Variants in CUX1 observed in about 807,000 individuals in gnomAD.
CUX1 encodes cut like homeobox 1.
In CUX1, 31 loss-of-function variants were observed where a neutral mutation model predicts 158.8. The ratio of observed to expected loss-of-function variants is 0.20; its 90% CI spans 0.15 to 0.26. The LOEUF is 0.26. CUX1 is among the 10% of genes least tolerant of loss of function. CUX1 has a pLI of 1.00. For missense variants in CUX1, 1,589 were observed against 2,014.6 expected (o/e 0.79, Z 4.04); for synonymous variants, 879 against 862.1 (o/e 1.02, Z -0.34).
intron 3 of CUX1, among the ~76,000 whole-genome samples, chr7:102,043,938 T>C (rs1447420815): frequency 6.6e-6 from 1 of 152,098 alleles, no homozygotes; most frequent in Non-Finnish European, 1.5e-5. Flanking sequence ...ATTTTCCAGA[T>C]GATTAAAGAT....
Position 101,817,648 on chromosome 7 carries a change from C to T in CUX1, c.9C>T (p.Cys3=), listed in dbSNP as rs542931508. The part of the protein sequence containing the change: ML[C]VAGARLKREL... ...GGGACTCTGCCAGGTGGATGTTGTG[C>T]GTAGCCGGAGCCAGGTTGAAGGTGA... The change falls in exon 1 of 24, where the codon TGC becomes TGT. Residue 3 remains cysteine (C), a synonymous_variant. Transcript: ENST00000292535. This position sits in a 1 kb window ranked among gnomAD's most constrained non-coding sequence, Gnocchi z 4.1. 1.9e-6 allele frequency: 3 copies of T among 1,551,988 alleles called. No individual in the cohort carries two copies. The African/African-American group carries it at 4.1e-5, about 21-fold the overall frequency.
In CUX1 at chr7:101,907,613, T is replaced by A. The variant is rs116138769; in HGVS notation, c.31-8502T>A. 2.2e-3 allele frequency among the ~76,000 whole-genome samples: 338 copies of A among 152,260 alleles called. 2 individuals are homozygous for A. The highest frequency in any genetic ancestry group is 7.8e-3 in the African/African-American group (325 of 41,564). On this transcript the variant is annotated intron_variant, in intron 1 of 23. Transcript: ENST00000292535. ...ATCCACCTGCTCCAGCCTCCCAAAG[T>A]TCTGGGATTACAGGTGTGAGTCACC... is the stretch of plus-strand genomic sequence containing the variant.
chr7:102,080,071 G>GA, intron 4 of CUX1, among the ~76,000 whole-genome samples: 1 of 152,334 alleles, frequency 6.6e-6, no homozygotes, highest in East Asian at 1.9e-4. Context: ...CTGTTCTAAA[G>GA]ACAAGCAGGC....
intron 14 of CUX1, among the ~76,000 whole-genome samples, chr7:102,271,133 C>G (rs1554546159): frequency 6.6e-6 from 1 of 152,198 alleles, no homozygotes. Flanking sequence ...AGGGCTCACT[C>G]TGGCCAGGCA....
Position 101,975,264 on chromosome 7 carries a change from AAG to A in CUX1, c.142-52818_142-52817del, listed in dbSNP as rs58160469. Among the ~76,000 whole-genome samples the A allele has an allele frequency of 7.3e-5, 11 of 151,346 alleles. 1 individual carries two copies. The highest frequency in any genetic ancestry group is 2.7e-4 in the African/African-American group (11 of 41,206). On this transcript the variant is annotated intron_variant, in intron 2 of 23. Coordinates refer to ENST00000292535, the MANE Select transcript of CUX1 (RefSeq NM_181552.4). The stretch of plus-strand genomic sequence containing the variant: ...AGACTCTGTCTCAAAAGGAAAAAAA[AAG>A]AGAGAGAGAGAGAGAAAAGAAAAGG...
chr7:101,852,326 A>C (rs914149727), intron 1 of CUX1, among the ~76,000 whole-genome samples: 1 of 151,938 alleles, frequency 6.6e-6, no homozygotes, highest in Non-Finnish European at 1.5e-5. Flanking sequence ...CAGTTTTTTA[A>C]AAAGTTTTTG....
At chr7:102,152,143 A>G (rs75366960) in intron 8 of CUX1, among the ~76,000 whole-genome samples, 3,168 of 152,214 alleles carry the variant, frequency 0.021, 117 homozygotes, top group African/African-American at 0.072. Flanking sequence ...GGAGTTTAAG[A>G]CCAGCTTGGG....
chr7:102,182,688 T>A (rs1381519170), intron 11 of CUX1, among the ~76,000 whole-genome samples: 1 of 152,236 alleles, frequency 6.6e-6, no homozygotes, highest in Non-Finnish European at 1.5e-5. Context: ...GTTTTTGCAA[T>A]TAATGAAATA....
intron 2 of CUX1, among the ~76,000 whole-genome samples, chr7:102,016,242 C>G (rs961194264): frequency 3.3e-5 from 5 of 152,228 alleles, no homozygotes; most frequent in South Asian, 2.1e-4. Context: ...GCCCCTGTGC[C>G]CGGCCAGGCT....
At chr7:101,978,882 T>C (rs1019003144) in intron 2 of CUX1, among the ~76,000 whole-genome samples, 1 of 152,214 alleles carries the variant, frequency 6.6e-6, no homozygotes, top group Non-Finnish European at 1.5e-5. Flanking sequence ...ATGAGAGCAC[T>C]TTCAGGCCAC....
intron 2 of CUX1, among the ~76,000 whole-genome samples, chr7:101,923,005 C>T (rs1414310015): frequency 6.6e-6 from 1 of 152,250 alleles, no homozygotes; most frequent in Non-Finnish European, 1.5e-5. Context: ...TTTGCTTTTC[C>T]ATGGCTTTGA....
At chr7:102,211,157 A>C (rs887096870) in intron 20 of CUX1, among the ~76,000 whole-genome samples, 1 of 152,138 alleles carries the variant, frequency 6.6e-6, no homozygotes, top group Non-Finnish European at 1.5e-5. Context: ...TGTCTAAAGC[A>C]GGCAGGGGCC....
Position 102,195,613 on chromosome 7 carries a change from C to T in CUX1, c.1222+10C>T. On this transcript the variant is annotated intron_variant, in intron 14 of 23. Coordinates refer to ENST00000292535, the MANE Select transcript of CUX1 (RefSeq NM_181552.4). ...AACAGCGACCTGAGCGGTAGGTTGG[C>T]CGGGCTTCGCGCGTGTGCGGTGGTT... is the stretch of plus-strand genomic sequence containing the variant. 1 of 1,596,212 alleles carries T rather than the reference C, an allele frequency of 6.3e-7. No homozygotes were observed. The highest frequency in any genetic ancestry group is 8.5e-7 in the Non-Finnish European group (1 of 1,172,780).
intron 20 of CUX1, among the ~76,000 whole-genome samples, chr7:102,219,055 A>AAC (rs3138788): frequency 0.056 from 7,115 of 126,278 alleles, 204 homozygotes; most frequent in African/African-American, 0.073. Flanking sequence ...CCTGCCTCAA[A>AAC]ACACACACAC....
chr7:101,869,591 G>A lies in CUX1; in HGVS notation c.31-46524G>A, dbSNP rs962130046. ...TGGGGCGGGGGAGGGAAACCAGCAC[G>A]TTAGAAGGTCAGCCAAGGTCAGGCG... On this transcript the variant is annotated intron_variant, in intron 1 of 23. Coordinates refer to ENST00000292535, the MANE Select transcript of CUX1 (RefSeq NM_181552.4). The surrounding 1 kb of genome is among the most constrained non-coding windows in gnomAD (Gnocchi z 4.5). Among the ~76,000 whole-genome samples the A allele has an allele frequency of 4.6e-5, 7 of 152,124 alleles. No individual in the cohort carries two copies. Among genetic ancestry groups the A allele is most frequent in the Admixed American group, 3.3e-4 (5 of 15,274 alleles).
chr7:101,879,829 C>G (rs899257177), intron 1 of CUX1, among the ~76,000 whole-genome samples: 5 of 152,266 alleles, frequency 3.3e-5, no homozygotes, highest in Non-Finnish European at 5.9e-5. Context: ...GTGGGGTTCT[C>G]CCAGGGTCTC....
At chr7:102,081,279 G>A (rs992403281) in intron 4 of CUX1, among the ~76,000 whole-genome samples, 4 of 116,760 alleles carry the variant, frequency 3.4e-5, no homozygotes, top group Non-Finnish European at 8.8e-5. Context: ...TCCCAAGATA[G>A]TCAGTGACAT....
At chr7:102,228,516 C>T (rs1354287112) in intron 21 of CUX1, among the ~76,000 whole-genome samples, 2 of 151,938 alleles carry the variant, frequency 1.3e-5, no homozygotes, top group African/African-American at 4.8e-5. Flanking sequence ...AAAATTAGGC[C>T]GGGCATAGTG....
At chr7:102,073,566 C>G (rs1220942493) in intron 4 of CUX1, among the ~76,000 whole-genome samples, 1 of 152,154 alleles carries the variant, frequency 6.6e-6, no homozygotes, top group Admixed American at 6.5e-5. Context: ...ACTGGGCAGT[C>G]ACTTTAAAAC....
Sources: allele counts gnomAD v4.1 joint callset (sites outside exome capture counted in the v4.1 genomes callset), GRCh38; gene constraint gnomAD v4.1.1; non-coding constraint Gnocchi (gnomAD v3.1); transcripts MANE v1.5; gene names NCBI Gene and HGNC (gene_info 2026-07-23, HGNC 2026-07-21).